Variants in MEIS2 observed in about 807,000 individuals in gnomAD.
MEIS2 encodes the protein Meis homeobox 2, also known as homeobox protein Meis2.
In MEIS2, 9 loss-of-function variants were observed where a neutral mutation model predicts 58.6. The ratio of observed to expected loss-of-function variants is 0.15; its 90% confidence interval spans 0.09 to 0.27. MEIS2 has a LOEUF of 0.27. Ranked by LOEUF, MEIS2 falls within the 10% of genes least tolerant of loss-of-function variation. The probability of loss-of-function intolerance (pLI) is 1.00; values close to 1 mark genes in which losing one functional copy is unlikely to be tolerated. For synonymous variants in MEIS2, 221 were observed against 228.4 expected (o/e 0.97, Z 0.29); for missense variants, 427 against 635.0 (o/e 0.67, Z 3.52).
intron 6 of MEIS2, among the ~76,000 whole-genome samples, chr15:37,093,311 AC>A (rs1196366778): frequency 2.0e-5 from 3 of 152,214 alleles, no homozygotes; most frequent in Non-Finnish European, 4.4e-5. Context: ...CACCCAAGTC[AC>A]CAAATCCAGA....
At chr15:36,982,771 C>T (rs1332784769) in intron 8 of MEIS2, among the ~76,000 whole-genome samples, 1 of 152,140 alleles carries the variant, frequency 6.6e-6, no homozygotes, top group African/African-American at 2.4e-5. Flanking sequence ...TTCCCACCAA[C>T]ATTGTGTCAG....
At chr15:36,909,957 C>T (rs1161544657) in intron 9 of MEIS2, among the ~76,000 whole-genome samples, 2 of 152,048 alleles carry the variant, frequency 1.3e-5, no homozygotes, top group East Asian at 1.9e-4. Flanking sequence ...AATAGAGGCA[C>T]TTTGAGAGGC....
chr15:36,900,031 A>G (rs2056387149), intron 9 of MEIS2, among the ~76,000 whole-genome samples: 1 of 152,158 alleles, frequency 6.6e-6, no homozygotes, highest in African/African-American at 2.4e-5. Flanking sequence ...AGACTGTTAG[A>G]TTTTTCATCT....
intron 7 of MEIS2, among the ~76,000 whole-genome samples, chr15:37,043,776 C>A (rs1365044713): frequency 6.6e-6 from 1 of 151,134 alleles, no homozygotes; most frequent in African/African-American, 2.4e-5. Flanking sequence ...CAACCTCCAC[C>A]TCCCTGGTTC....
At position 37,013,078 on chromosome 15, in the gene MEIS2, G is replaced by C. The variant is rs376346028; in HGVS notation, c.900+23736C>G. Among the ~76,000 whole-genome samples the C allele has an allele frequency of 1.3e-5, 2 of 152,134 alleles. 1 individual carries two copies. The highest frequency in any genetic ancestry group is 4.1e-4 in the South Asian group (2 of 4,830). On this transcript the variant is annotated intron_variant, in intron 8 of 11. Coordinates refer to ENST00000561208, the MANE Select transcript of MEIS2 (RefSeq NM_170675.5). Reference sequence around the variant, plus strand: ...CAAAATGTTGATTCTTCTTCCCTAGGACTCTAGAGGTAGTGATGAGAGAAA... The same window carrying C: ...CAAAATGTTGATTCTTCTTCCCTAGCACTCTAGAGGTAGTGATGAGAGAAA...
chr15:36,941,256 A>C (rs2058364121), intron 9 of MEIS2, among the ~76,000 whole-genome samples: 1 of 152,186 alleles, frequency 6.6e-6, no homozygotes, highest in Non-Finnish European at 1.5e-5. Context: ...TCACCCAGGA[A>C]ACCTGTGACC....
chr15:37,095,652 A>G, intron 3 of MEIS2, 38 bp from the exon 4 acceptor site: 2 of 1,614,094 alleles, frequency 1.2e-6, no homozygotes, highest in South Asian at 2.2e-5. Context: ...CGATCACCCC[A>G]TTTAAAATAA....
intron 8 of MEIS2, among the ~76,000 whole-genome samples, chr15:37,020,374 G>A (rs2141671250): frequency 6.6e-6 from 1 of 152,236 alleles, no homozygotes. Context: ...ACACAAGCTG[G>A]TTGGGCGCCG....
At chr15:37,007,617 G>A (rs1009319289) in intron 8 of MEIS2, among the ~76,000 whole-genome samples, 3 of 152,140 alleles carry the variant, frequency 2.0e-5, no homozygotes, top group Admixed American at 6.5e-5. Context: ...AAGCCAGTTT[G>A]TGAAATATTT....
intron 3 of MEIS2, chr15:37,095,960 C>T: frequency 2.2e-6 from 1 of 450,118 alleles, no homozygotes; most frequent in Non-Finnish European, 4.0e-6. Context: ...CTCCCGGGCA[C>T]TCCCGGGTCC....
rs1892901794 is a variant in MEIS2, at chr15:36,896,859, C to T, written c.978-173G>A. On this transcript the variant is annotated intron_variant, in intron 9 of 11. Transcript: ENST00000561208. ...TCAAAAATAGTTGACTGGGTAATCT[C>T]CGTCGTCACTGCGTAGTCAACTCCA... 2.7e-5 allele frequency: 16 copies of T among 601,806 alleles called. No individual in the cohort carries two copies. In the South Asian group the frequency reaches 3.4e-4, roughly 13 times the overall value. The allele number at this position is 601,806 out of a possible 1,614,324, so 37.3% of individuals were successfully genotyped here.
chr15:36,897,422 T>G (rs1372519373), intron 9 of MEIS2: 3 of 152,238 alleles, frequency 2.0e-5, no homozygotes, highest in African/African-American at 7.2e-5. Flanking sequence ...AATCAGGTGG[T>G]GGCTGAATCG....
chr15:37,064,202 A>C (rs982538114), intron 7 of MEIS2, among the ~76,000 whole-genome samples: 2 of 152,146 alleles, frequency 1.3e-5, no homozygotes, highest in Non-Finnish European at 2.9e-5. Context: ...GTCTCCATAC[A>C]ATATATCAAC....
chr15:36,938,747 T>C (rs983212958), intron 9 of MEIS2, among the ~76,000 whole-genome samples: 1 of 152,170 alleles, frequency 6.6e-6, no homozygotes, highest in African/African-American at 2.4e-5. Context: ...ATTTTAAAGA[T>C]AGAAAGGACC....
At chr15:36,996,023 GTA>G (rs1334207577) in intron 8 of MEIS2, among the ~76,000 whole-genome samples, 6 of 83,160 alleles carry the variant, frequency 7.2e-5, no homozygotes, top group African/African-American at 2.3e-4. Flanking sequence ...ATACATATGT[GTA>G]TATATATACA....
intron 7 of MEIS2, among the ~76,000 whole-genome samples, chr15:37,066,714 C>A (rs1889981993): frequency 6.6e-6 from 1 of 152,178 alleles, no homozygotes; most frequent in Non-Finnish European, 1.5e-5. Context: ...CCCCTAACAT[C>A]CTAATCACAC....
chr15:36,993,867 T>C (rs2060382332), intron 8 of MEIS2, among the ~76,000 whole-genome samples: 1 of 152,142 alleles, frequency 6.6e-6, no homozygotes, highest in Non-Finnish European at 1.5e-5. Context: ...TACATATATA[T>C]AAATGTAGAC....
chr15:36,983,030 T>A (rs1216033851), intron 8 of MEIS2, among the ~76,000 whole-genome samples: 1 of 152,202 alleles, frequency 6.6e-6, no homozygotes, highest in Non-Finnish European at 1.5e-5. Flanking sequence ...TTTGAGTTCC[T>A]TAAACACTTC....
In MEIS2 at chr15:36,955,993, C is replaced by G. The variant is rs562498154; in HGVS notation, c.901-5593G>C. On this transcript the variant is annotated intron_variant, in intron 8 of 11. Coordinates refer to ENST00000561208, the MANE Select transcript of MEIS2 (RefSeq NM_170675.5). ...GAGATCGAGCCCATCCTGGCTAACA[C>G]GGTGAAACCCCGTTTCTACTAAAAA... is the stretch of plus-strand genomic sequence containing the variant. Among the ~76,000 whole-genome samples the G allele has an allele frequency of 2.5e-5, 3 of 121,526 alleles. No individual in the cohort carries two copies. The East Asian group carries it at 7.3e-4, about 29-fold the overall frequency. The allele number at this position is 121,526 out of a possible 152,430, so 79.7% of individuals were successfully genotyped here.
Sources: gnomAD v4.1 joint callset for allele counts (sites outside exome capture counted in the v4.1 genomes callset) on GRCh38, gnomAD v4.1.1 for gene constraint, MANE v1.5 for transcripts, NCBI Gene and HGNC (gene_info 2026-07-23, HGNC 2026-07-21) for gene names.